SSH2: variants seen among roughly 807,000 people sequenced by gnomAD.
SSH2 encodes protein phosphatase Slingshot homolog 2.
A neutral mutation model predicts 135.2 loss-of-function variants in SSH2; 37 were observed. The observed-to-expected ratio is 0.27, with a 90% CI of 0.21 to 0.36. The LOEUF is 0.36. Among genes scored for constraint, SSH2 ranks in the 10% least tolerant of loss-of-function variants. SSH2 has a pLI of 1.00. For missense variants in SSH2, 1,408 were observed against 1,765.3 expected, an observed-to-expected ratio of 0.80 and a Z score of 3.63; for synonymous variants, 628 against 646.2, an observed-to-expected ratio of 0.97 and a Z score of 0.43.
intron 1 of SSH2, among the ~76,000 whole-genome samples, chr17:29,926,545 C>T (rs1279266599): frequency 6.7e-6 from 1 of 149,014 alleles, no homozygotes; most frequent in African/African-American, 2.5e-5. Context: ...CTGAGTGAGA[C>T]CTTGTCTCAA....
intron 5 of SSH2, among the ~76,000 whole-genome samples, chr17:29,694,485 A>T (rs2038635563): frequency 6.6e-6 from 1 of 152,166 alleles, no homozygotes; most frequent in African/African-American, 2.4e-5. Context: ...CCTGTCCAAT[A>T]CGGTGAAACC....
At chr17:29,834,507 C>T (rs2151370319) in intron 2 of SSH2, among the ~76,000 whole-genome samples, 1 of 152,106 alleles carries the variant, frequency 6.6e-6, no homozygotes, top group South Asian at 2.1e-4. Context: ...GAAAATAGCT[C>T]TTTGTCATGT....
intron 9 of SSH2, 76 bp from the exon 10 acceptor site, chr17:29,667,299 G>GA: frequency 9.0e-7 from 1 of 1,105,878 alleles, no homozygotes; most frequent in East Asian, 2.4e-5. Flanking sequence ...AAAGAAAGAA[G>GA]AATGATCCTG....
intron 5 of SSH2, among the ~76,000 whole-genome samples, chr17:29,685,718 G>A (rs1472830051): frequency 1.3e-5 from 2 of 150,018 alleles, no homozygotes; most frequent in Admixed American, 6.6e-5. Flanking sequence ...GAACCCAGGA[G>A]GCGGAGGTTG....
At chr17:29,807,362 T>C (rs1445817996) in intron 2 of SSH2, among the ~76,000 whole-genome samples, 1 of 152,214 alleles carries the variant, frequency 6.6e-6, no homozygotes, top group Non-Finnish European at 1.5e-5. Context: ...ACTATTTATA[T>C]TTAAATCTAG....
intron 12 of SSH2, among the ~76,000 whole-genome samples, chr17:29,652,629 A>G (rs763112772): frequency 4.8e-4 from 73 of 152,132 alleles, no homozygotes; most frequent in Non-Finnish European, 8.2e-4. Flanking sequence ...AAGACAGGCA[A>G]CACACTTTCC....
rs773812846 is a variant in SSH2 at position 29,707,528 on chromosome 17, A to AT, written c.189-4467dup. 8.2e-3 allele frequency among the ~76,000 whole-genome samples: 1,186 copies of AT among 143,958 alleles called. 26 individuals carry two copies. The East Asian group carries it at 0.099, about 12-fold the overall frequency. 94.4% of individuals were successfully genotyped at this position (143,958 alleles called of 152,430 possible). A position where few individuals can be genotyped will look rare whatever the true frequency, so the allele number is the denominator to read the frequency against. On this transcript the variant is annotated intron_variant, in intron 3 of 15. Coordinates refer to ENST00000540801, the MANE Select transcript of SSH2 (RefSeq NM_001282129.2). The stretch of plus-strand genomic sequence containing the variant: ...GTACAAGGTAGGCCAACAGACTACT[A>AT]TTTTTTTTTTTTTTTGAGATGGAGT...
At chr17:29,838,564 C>T (rs2042984686) in intron 2 of SSH2, among the ~76,000 whole-genome samples, 1 of 152,206 alleles carries the variant, frequency 6.6e-6, no homozygotes, top group Admixed American at 6.5e-5. Flanking sequence ...TTCCTTCCCT[C>T]TGAGGCCCAT....
In SSH2 at chr17:29,631,448, T is replaced by C. The variant is rs1182117927; in HGVS notation, c.3746A>G (p.Lys1249Arg). The change falls in exon 16 of 16, where the codon AAG becomes AGG. Residue 1249 changes from lysine (K) to arginine (R), a missense_variant. Physicochemically the swap from Lys to Arg is conservative, Grantham distance 26. Coordinates refer to ENST00000540801, the MANE Select transcript of SSH2 (RefSeq NM_001282129.2). ...LPHSSSSENI[K>R]SLSHSPGVVK... The stretch of plus-strand genomic sequence containing the variant: ...CACACCGGGGCTGTGGCTGAGACTC[T>C]TTATGTTTTCACTACTAGAGCTATG... 6 of 1,614,028 alleles carry C rather than the reference T, an allele frequency of 3.7e-6. No individual in the cohort carries two copies. The highest frequency in any genetic ancestry group is 5.1e-6 in the Non-Finnish European group (6 of 1,180,024).
intron 1 of SSH2, among the ~76,000 whole-genome samples, chr17:29,849,736 T>C (rs979024478): frequency 2.0e-5 from 3 of 150,322 alleles, no homozygotes; most frequent in Admixed American, 1.3e-4. Flanking sequence ...CAGTGGCTCA[T>C]GCCTGCTAAT....
chr17:29,889,574 A>C (rs967436421), intron 1 of SSH2, among the ~76,000 whole-genome samples: 1 of 152,056 alleles, frequency 6.6e-6, no homozygotes, highest in South Asian at 2.1e-4. Context: ...AAATAGGTAC[A>C]CTGAACTTCA....
Position 29,913,347 on chromosome 17 carries a change from A to AAAAAAAAAAAAAAATTATATAT in SSH2, c.63+16590_63+16591insATATATAATTTTTTTTTTTTTT. Among the ~76,000 whole-genome samples, 22 of 28,786 alleles carry AAAAAAAAAAAAAAATTATATAT rather than the reference A, an allele frequency of 7.6e-4. 3 individuals are homozygous for AAAAAAAAAAAAAAATTATATAT. The highest frequency in any genetic ancestry group is 8.2e-4 in the Non-Finnish European group (14 of 16,996). The allele number at this position is 28,786 out of a possible 152,430, so 18.9% of individuals were successfully genotyped here. A position where few individuals can be genotyped will look rare whatever the true frequency, so the allele number is the denominator to read the frequency against. On this transcript the variant is annotated intron_variant, in intron 1 of 15. Transcript: ENST00000540801. ...AAAAAAAAAAAAAAAAAAAAAAAAA[A>AAAAAAAAAAAAAAATTATATAT]ATATATATATATATATATATATATA...
intron 1 of SSH2, among the ~76,000 whole-genome samples, chr17:29,870,565 C>T (rs533595430): frequency 3.3e-5 from 5 of 152,184 alleles, no homozygotes; most frequent in Admixed American, 1.3e-4. Context: ...AACAAAAGAA[C>T]GTCTTTAGCC....
At chr17:29,761,289 A>G in intron 3 of SSH2, 1 of 1,283,782 alleles carries the variant, frequency 7.8e-7, no homozygotes, top group Non-Finnish European at 1.0e-6. Context: ...GGGCCGGCTC[A>G]AAGTGCACAA....
intron 14 of SSH2, 75 bp downstream of exon 14, chr17:29,648,069 G>T: frequency 7.5e-7 from 1 of 1,332,530 alleles, no homozygotes; most frequent in Non-Finnish European, 1.1e-6. Flanking sequence ...TTGAGAAGTA[G>T]CTACAGAGAA....
chr17:29,870,252 T>C (rs1413012855), intron 1 of SSH2, among the ~76,000 whole-genome samples: 1 of 147,300 alleles, frequency 6.8e-6, no homozygotes, highest in Admixed American at 6.9e-5. Context: ...TGTACTAATA[T>C]GGAAATATTT....
chr17:29,781,646 A>T (rs1292607327), intron 3 of SSH2, among the ~76,000 whole-genome samples: 2 of 151,204 alleles, frequency 1.3e-5, no homozygotes, highest in Admixed American at 1.3e-4. Context: ...CGCCTGGCCA[A>T]TTTTTGTATT....
intron 13 of SSH2, among the ~76,000 whole-genome samples, chr17:29,648,795 G>A (rs1037438573): frequency 1.3e-5 from 2 of 152,082 alleles, no homozygotes; most frequent in African/African-American, 4.8e-5. Context: ...TTGGGGGTTC[G>A]AGACCAGCCT....
At chr17:29,677,883 TATTATTATTAATCTTA>T (rs1320663766) in intron 6 of SSH2, 142 bp from the exon 7 acceptor site, 2 of 626,944 alleles carry the variant, frequency 3.2e-6, no homozygotes, top group Non-Finnish European at 5.7e-6. Flanking sequence ...ATTTCTATCA[TATTATTATTAATCTTA>T]TGTATGTCCT....
Sources: allele counts gnomAD v4.1 joint callset (sites outside exome capture counted in the v4.1 genomes callset), GRCh38; gene constraint gnomAD v4.1.1; transcripts MANE v1.5; gene names NCBI Gene and HGNC (gene_info 2026-07-23, HGNC 2026-07-21).